The following DLC1 variants were observed in gnomAD, a reference collection of about 807,000 sequenced individuals.
DLC1 encodes the protein DLC1 Rho GTPase activating protein.
In DLC1, 54 loss-of-function variants were observed where a neutral mutation model predicts 140.3. The observed-to-expected ratio is 0.38, with a 90% CI of 0.31 to 0.48. DLC1 has a LOEUF of 0.48. Ranked by LOEUF, DLC1 falls within the 20% of genes least tolerant of loss-of-function variation. The probability of loss-of-function intolerance (pLI) is 0.96; values close to 1 mark genes in which losing one functional copy is unlikely to be tolerated. For synonymous variants in DLC1, 986 were observed against 728.1 expected (o/e 1.35, Z -5.70); for missense variants, 2,536 against 1,907.0 (o/e 1.33, Z -6.14).
chr8:13,363,222 T>C (rs1291642120), intron 4 of DLC1, among the ~76,000 whole-genome samples: 1 of 152,232 alleles, frequency 6.6e-6, no homozygotes, highest in African/African-American at 2.4e-5. Flanking sequence ...GATTTCTTTG[T>C]AGTTTGTTAT....
At chr8:13,350,815 C>T (rs934971382) in intron 4 of DLC1, among the ~76,000 whole-genome samples, 1 of 152,144 alleles carries the variant, frequency 6.6e-6, no homozygotes, top group Admixed American at 6.5e-5. Flanking sequence ...AAGGTGGTAG[C>T]CTTTAGTGAT....
At chr8:13,370,576 T>C (rs553969205) in intron 4 of DLC1, among the ~76,000 whole-genome samples, 3 of 152,290 alleles carry the variant, frequency 2.0e-5, no homozygotes, top group East Asian at 3.9e-4. Flanking sequence ...GTTCCTCCCA[T>C]AAAGGGCCTA....
At chr8:13,423,082 A>G (rs999271691) in intron 2 of DLC1, among the ~76,000 whole-genome samples, 2 of 152,196 alleles carry the variant, frequency 1.3e-5, no homozygotes, top group Admixed American at 6.5e-5. Context: ...TGCAAAGCAC[A>G]GTGAAAGGCA....
chr8:13,131,929 G>A (rs114321330), intron 5 of DLC1, among the ~76,000 whole-genome samples: 1 of 152,180 alleles, frequency 6.6e-6, no homozygotes, highest in African/African-American at 2.4e-5. Context: ...ACACGCAGCA[G>A]GGTGCTGCAG....
chr8:13,327,025 G>A (rs557209952), intron 4 of DLC1, among the ~76,000 whole-genome samples: 60 of 151,952 alleles, frequency 3.9e-4, no homozygotes, highest in Non-Finnish European at 7.5e-4. Flanking sequence ...CACGATCTTG[G>A]CTCACTGCAA....
At chr8:13,185,122 C>CTGTTTTTTTTTTTTTT (rs1385667383) in intron 5 of DLC1, among the ~76,000 whole-genome samples, 1 of 84,566 alleles carries the variant, frequency 1.2e-5, no homozygotes, top group African/African-American at 5.2e-5. Context: ...GCAACCCCTG[C>CTGTTTTTTTTTTTTTT]TTTTTTTTTT....
At chr8:13,394,294 G>A (rs1586267130) in intron 3 of DLC1, among the ~76,000 whole-genome samples, 1 of 152,296 alleles carries the variant, frequency 6.6e-6, no homozygotes, top group East Asian at 1.9e-4. Context: ...TGGGTATAAT[G>A]ATAGTAGACA....
chr8:13,586,334 C>G (rs1446189343), intron 1 of DLC1, among the ~76,000 whole-genome samples: 3 of 152,042 alleles, frequency 2.0e-5, no homozygotes, highest in Non-Finnish European at 2.9e-5. Context: ...TAGATGATTT[C>G]TAGAAACAGG....
At chr8:13,270,576 C>G (rs1013472919) in intron 5 of DLC1, among the ~76,000 whole-genome samples, 4 of 152,176 alleles carry the variant, frequency 2.6e-5, no homozygotes, top group Non-Finnish European at 4.4e-5. Flanking sequence ...TATGCAAGAA[C>G]CGATTCCCTC....
chr8:13,282,373 G>A (rs1433762894), intron 5 of DLC1, among the ~76,000 whole-genome samples: 2 of 152,140 alleles, frequency 1.3e-5, no homozygotes, highest in African/African-American at 4.8e-5. Context: ...AGAGGATGTA[G>A]AGATGCCCTC....
intron 5 of DLC1, among the ~76,000 whole-genome samples, chr8:13,143,292 T>C (rs1458822890): frequency 6.6e-6 from 1 of 152,222 alleles, no homozygotes; most frequent in Non-Finnish European, 1.5e-5. Flanking sequence ...TGTTGTGCTC[T>C]GAAAACATGT....
intron 2 of DLC1, among the ~76,000 whole-genome samples, chr8:13,407,537 A>C (rs1837621086): frequency 6.6e-6 from 1 of 152,014 alleles, no homozygotes; most frequent in Non-Finnish European, 1.5e-5. Context: ...TGTTTTCCTA[A>C]TGCCAGCATT....
intron 1 of DLC1, among the ~76,000 whole-genome samples, chr8:13,554,818 C>T (rs1253327920): frequency 6.6e-6 from 1 of 152,182 alleles, no homozygotes; most frequent in Non-Finnish European, 1.5e-5. Flanking sequence ...CCAGAGATAT[C>T]TGTTAAGATG....
intron 5 of DLC1, among the ~76,000 whole-genome samples, chr8:13,119,002 G>A (rs1820807909): frequency 6.6e-6 from 1 of 152,106 alleles, no homozygotes; most frequent in Non-Finnish European, 1.5e-5. Context: ...GGAGAGTTGG[G>A]TGGACTGTTT....
chr8:13,434,859 C>T (rs917288399), intron 2 of DLC1, among the ~76,000 whole-genome samples: 5 of 152,028 alleles, frequency 3.3e-5, no homozygotes, highest in Admixed American at 6.6e-5. Flanking sequence ...TTTGTATTTT[C>T]TGTAGAGATG....
intron 2 of DLC1, among the ~76,000 whole-genome samples, chr8:13,480,551 T>C (rs1800682809): frequency 1.3e-5 from 2 of 152,186 alleles, no homozygotes; most frequent in South Asian, 2.1e-4. Context: ...CTTTATCCTA[T>C]AGGTGAAGCA....
intron 4 of DLC1, among the ~76,000 whole-genome samples, chr8:13,336,079 T>G (rs1313247738): frequency 6.6e-6 from 1 of 152,178 alleles, no homozygotes; most frequent in Admixed American, 6.6e-5. Context: ...GCAGAAGGCA[T>G]ATTTCTAAAG....
intron 7 of DLC1, among the ~76,000 whole-genome samples, chr8:13,104,554 C>T (rs541794388): frequency 3.9e-5 from 6 of 152,196 alleles, no homozygotes; most frequent in Non-Finnish European, 8.8e-5. Flanking sequence ...TCTGCTATCA[C>T]CAGTTTTCTA....
At chr8:13,417,912 C>A (rs191793319) in intron 2 of DLC1, among the ~76,000 whole-genome samples, 4 of 151,676 alleles carry the variant, frequency 2.6e-5, no homozygotes, top group African/African-American at 9.7e-5. Flanking sequence ...CATTCTAACT[C>A]GTGTGAGATG....
Sources: allele counts gnomAD v4.1 joint callset (sites outside exome capture counted in the v4.1 genomes callset), GRCh38; gene constraint gnomAD v4.1.1; transcripts MANE v1.5; gene names NCBI Gene and HGNC (gene_info 2026-07-23, HGNC 2026-07-21).